SLC25A28: variants seen among roughly 807,000 people sequenced by gnomAD.
SLC25A28 encodes the protein solute carrier family 25 member 28, also known as mitoferrin-2.
In SLC25A28, 10 loss-of-function variants were observed where a neutral mutation model predicts 31.9. The ratio of observed to expected loss-of-function variants is 0.31; its 90% CI spans 0.19 to 0.53. The LOEUF is 0.53. Among genes scored for constraint, SLC25A28 ranks in the 20% least tolerant of loss-of-function variants. SLC25A28 has a pLI of 0.95. For missense variants in SLC25A28, 256 were observed against 490.3 expected (o/e 0.52, Z 4.51); for synonymous variants, 208 against 203.6 (o/e 1.02, Z -0.19).
At chr10:99,633,374 C>T in the SLC25A28 span, among the ~76,000 whole-genome samples, 15 of 152,298 alleles carry the variant, frequency 9.8e-5, no homozygotes, top group East Asian at 1.9e-3. Context: ...CTTGCCTTCA[C>T]AACTTACTCA....
At position 99,613,973 on chromosome 10, in the gene SLC25A28, G is replaced by A. The variant is rs187023475; in HGVS notation, c.292-49C>T. On this transcript the variant is annotated intron_variant, in intron 1 of 3. Transcript: ENST00000370495. This position sits in a 1 kb window ranked among gnomAD's most constrained non-coding sequence, Gnocchi z 4.9. ...GCAATGTCAGCAATGCCAACTTCTC[G>A]CCCCACCTCAACACACTGGGCAGAC... is the stretch of plus-strand genomic sequence containing the variant. 2.4e-5 allele frequency: 36 copies of A among 1,513,436 alleles called. No individual in the cohort carries two copies. Among genetic ancestry groups the A allele is most frequent in the Admixed American group, 2.1e-4 (10 of 47,576 alleles). The allele number at this position is 1,513,436 out of a possible 1,614,324, so 93.8% of individuals were successfully genotyped here. A position where few individuals can be genotyped will look rare whatever the true frequency, so the allele number is the denominator to read the frequency against.
the SLC25A28 span, among the ~76,000 whole-genome samples, chr10:99,639,745 A>ACACT: frequency 6.6e-6 from 1 of 150,800 alleles, no homozygotes; most frequent in Admixed American, 6.6e-5. Flanking sequence ...ACACACACAC[A>ACACT]CACACACACA....
chr10:99,617,313 A>C (rs1476482719), intron 1 of SLC25A28: 2 of 985,346 alleles, frequency 2.0e-6, no homozygotes, highest in African/African-American at 3.5e-5. Context: ...TGATCCAGCA[A>C]GGCTACACTG....
At chr10:99,647,252 A>G in the SLC25A28 span, among the ~76,000 whole-genome samples, 1 of 152,188 alleles carries the variant, frequency 6.6e-6, no homozygotes, top group Non-Finnish European at 1.5e-5. Context: ...GTTTTCCATA[A>G]AGGTTGTACT....
At chr10:99,616,581 T>C (rs996831270) in intron 1 of SLC25A28, 60 of 984,996 alleles carry the variant, frequency 6.1e-5, no homozygotes, top group Non-Finnish European at 7.0e-5. Flanking sequence ...TAATTTTGTA[T>C]TTTTTGTTTT....
the SLC25A28 span, among the ~76,000 whole-genome samples, chr10:99,629,728 T>C: frequency 1.4e-4 from 22 of 152,232 alleles, no homozygotes; most frequent in African/African-American, 5.3e-4. Flanking sequence ...AGATTGGTGG[T>C]TACCAGATGC....
At chr10:99,648,032 C>T in the SLC25A28 span, among the ~76,000 whole-genome samples, 2 of 151,568 alleles carry the variant, frequency 1.3e-5, no homozygotes, top group African/African-American at 2.4e-5. Context: ...GAAAGTCTCA[C>T]TTTGTCACCA....
At chr10:99,640,154 T>A in the SLC25A28 span, among the ~76,000 whole-genome samples, 5 of 152,234 alleles carry the variant, frequency 3.3e-5, no homozygotes, top group Non-Finnish European at 7.3e-5. Flanking sequence ...TTTATATTAG[T>A]TATCCATCAC....
intron 1 of SLC25A28, among the ~76,000 whole-genome samples, chr10:99,614,659 T>G (rs893577739): frequency 2.6e-5 from 4 of 152,214 alleles, no homozygotes; most frequent in Non-Finnish European, 4.4e-5. Context: ...TCTAAAGGAT[T>G]TGATGATTGG....
chr10:99,658,510 T>C, the SLC25A28 span, among the ~76,000 whole-genome samples: 1,047 of 152,154 alleles, frequency 6.9e-3, 7 homozygotes, highest in Non-Finnish European at 8.1e-3. Flanking sequence ...ACAATAGGCA[T>C]GTATAAAAAA....
chr10:99,618,383 C>T (rs1251526086), intron 1 of SLC25A28: 2 of 985,198 alleles, frequency 2.0e-6, no homozygotes, highest in Non-Finnish European at 2.4e-6. Flanking sequence ...ATCTGTTTTC[C>T]ATTCAATACT....
rs375249690 is a variant in SLC25A28, at chr10:99,611,382, A to G, written c.578-16T>C. On this transcript the variant is annotated splice_polypyrimidine_tract_variant and intron_variant, in intron 3 of 3. Coordinates refer to ENST00000370495, the MANE Select transcript of SLC25A28 (RefSeq NM_031212.4). This position sits in a 1 kb window ranked among gnomAD's most constrained non-coding sequence, Gnocchi z 5.5. ...TGCTTGACCACTAGTAGTGCCATCA[A>G]CGAGGAAGGAAATGGTGACAGCAGC... The G allele has an allele frequency of 2.7e-4, 431 of 1,611,212 alleles. No individual in the cohort carries two copies. Among genetic ancestry groups the G allele is most frequent in the Non-Finnish European group, 3.5e-4 (418 of 1,178,040 alleles).
At chr10:99,622,554 A>C (rs925628932), upstream of SLC25A28, 6 of 703,640 alleles carry the variant, frequency 8.5e-6, no homozygotes, top group African/African-American at 1.9e-5. Flanking sequence ...TTCATTGGTC[A>C]TAAATGACCT....
At chr10:99,639,017 G>A in the SLC25A28 span, among the ~76,000 whole-genome samples, 1 of 152,030 alleles carries the variant, frequency 6.6e-6, no homozygotes, top group Non-Finnish European at 1.5e-5. Context: ...ATTTGCAAAT[G>A]CAAAATCGTA....
rs372571265 is a variant in SLC25A28, at chr10:99,610,855, G to T, written c.1089C>A (p.Gly363=). ...GGCTTCGTTCAGTGCTACTTCACTT[G>T]CCAGCCCTCCACTCTTCTTGCCTTT... is the stretch of plus-strand genomic sequence containing the variant. The part of the protein sequence containing the change: ...ITKRQEEWRA[G]K The change falls in exon 4 of 4, where the codon GGC becomes GGA. Residue 363 remains glycine (G), a synonymous_variant. Coordinates refer to ENST00000370495, the MANE Select transcript of SLC25A28 (RefSeq NM_031212.4). 4.3e-6 allele frequency: 7 copies of T among 1,612,960 alleles called. No homozygotes were observed. In the African/African-American group the frequency reaches 8.0e-5, roughly 18 times the overall value.
At chr10:99,631,892 T>TA in the SLC25A28 span, among the ~76,000 whole-genome samples, 3 of 104,070 alleles carry the variant, frequency 2.9e-5, no homozygotes, top group Non-Finnish European at 4.0e-5. Context: ...TTTTTTTTTA[T>TA]TTTTTTTTTT....
At chr10:99,657,194 A>G in the SLC25A28 span, among the ~76,000 whole-genome samples, 1 of 152,236 alleles carries the variant, frequency 6.6e-6, no homozygotes, top group Non-Finnish European at 1.5e-5. Context: ...TAGGAATTAT[A>G]CTTCCACTCA....
At chr10:99,657,815 G>T in the SLC25A28 span, among the ~76,000 whole-genome samples, 1 of 152,058 alleles carries the variant, frequency 6.6e-6, no homozygotes, top group Admixed American at 6.6e-5. Flanking sequence ...CACTACTTTT[G>T]TTAGCCCACC....
rs550896646 is a variant in SLC25A28 at position 99,615,717 on chromosome 10, T to G, written c.292-1793A>C. On this transcript the variant is annotated intron_variant, in intron 1 of 3. Coordinates refer to ENST00000370495, the MANE Select transcript of SLC25A28 (RefSeq NM_031212.4). ...TAAAATCCATCAGAAGAGTTGTTCA[T>G]AGAGACTACGGGTCATATGCTGGCT... 26 of 985,444 alleles carry G rather than the reference T, an allele frequency of 2.6e-5. No individual in the cohort carries two copies. The Admixed American group carries it at 6.1e-4, about 23-fold the overall frequency. The allele number at this position is 985,444 out of a possible 1,614,324, so 61.0% of individuals were successfully genotyped here.
Sources: gnomAD v4.1 joint callset for allele counts (sites outside exome capture counted in the v4.1 genomes callset) on GRCh38, gnomAD v4.1.1 for gene constraint, Gnocchi (gnomAD v3.1) non-coding constraint, MANE v1.5 for transcripts, NCBI Gene and HGNC (gene_info 2026-07-23, HGNC 2026-07-21) for gene names.